Variants in ZNF429 observed in about 807,000 individuals in gnomAD.
ZNF429 encodes zinc finger protein 429.
Under a neutral mutation model 56.8 loss-of-function variants are expected in ZNF429, and 53 were observed. The ratio of observed to expected loss-of-function variants is 0.93; its 90% CI spans 0.75 to 1.17. The LOEUF is 1.17. Ranked by LOEUF, ZNF429 falls within the 50% of genes most tolerant of loss-of-function variation. The pLI, the probability that ZNF429 is intolerant of heterozygous loss-of-function variation, is 0.00. For synonymous variants in ZNF429, 278 were observed against 264.7 expected (o/e 1.05, Z -0.49); for missense variants, 849 against 788.4 (o/e 1.08, Z -0.92).
At chr19:21,527,291 C>T (rs959214913) in intron 1 of ZNF429, among the ~76,000 whole-genome samples, 3 of 152,124 alleles carry the variant, frequency 2.0e-5, no homozygotes, top group Admixed American at 6.5e-5. Context: ...CATTACAGCT[C>T]GAGGGGCAAT....
In ZNF429 at chr19:21,511,654, T is replaced by G. The variant is rs1444849557; in HGVS notation, c.3+5880T>G. ...ATGATGGGCGGCCAGGCAGAGACGC[T>G]CCTCACTTCCCAGACGGGGTGGCGG... On this transcript the variant is annotated intron_variant, in intron 1 of 3. Transcript: ENST00000358491. Among the ~76,000 whole-genome samples the G allele has an allele frequency of 3.3e-5, 5 of 150,962 alleles. No individual in the cohort carries two copies. The East Asian group carries it at 7.9e-4, about 24-fold the overall frequency.
intron 1 of ZNF429, among the ~76,000 whole-genome samples, chr19:21,511,970 G>A (rs1185682868): frequency 2.0e-5 from 3 of 152,118 alleles, no homozygotes; most frequent in Admixed American, 6.6e-5. Flanking sequence ...GCAGGCACTC[G>A]GCAGGCTGAG....
rs978125522 is a variant in ZNF429 at position 21,540,303 on chromosome 19, T to C, written c.*2225T>C. 1.3e-5 allele frequency among the ~76,000 whole-genome samples: 2 copies of C among 152,196 alleles called. No individual in the cohort carries two copies. Among genetic ancestry groups the C allele is most frequent in the Non-Finnish European group, 2.9e-5 (2 of 68,016 alleles). On this transcript the variant is annotated 3_prime_UTR_variant, in exon 4 of 4. Transcript: ENST00000358491. ...TAGTAACATAGTGGAATAGCATCTC[T>C]AGTAATCTCTTTTGCCAGTAGCTTT...
intron 1 of ZNF429, among the ~76,000 whole-genome samples, chr19:21,523,326 G>A (rs1437337061): frequency 6.6e-6 from 1 of 152,044 alleles, no homozygotes; most frequent in Non-Finnish European, 1.5e-5. Context: ...TTTAGGTCGG[G>A]GCGAAAGTTA....
intron 3 of ZNF429, among the ~76,000 whole-genome samples, chr19:21,531,428 A>G: frequency 6.6e-6 from 1 of 152,192 alleles, no homozygotes; most frequent in Admixed American, 6.5e-5. Flanking sequence ...ACAGACACCA[A>G]TGCAAAACTG....
intron 3 of ZNF429, among the ~76,000 whole-genome samples, chr19:21,532,819 C>A: frequency 1.3e-5 from 2 of 151,906 alleles, no homozygotes; most frequent in South Asian, 2.1e-4. Flanking sequence ...CAACCTCAGC[C>A]TCCCAAGTAG....
chr19:21,534,841 G>A lies in ZNF429; in HGVS notation c.227-1439G>A. 7.0e-4 allele frequency among the ~76,000 whole-genome samples: 104 copies of A among 147,880 alleles called. 1 individual carries two copies. The highest frequency in any genetic ancestry group is 2.4e-3 in the African/African-American group (98 of 40,118). Reference sequence around the variant, plus strand: ...TTGTTTTTTTTTGAGACGGAGTATCGCTCTGTCGCCCAGGCTGGAGTGCAG... The same window carrying A: ...TTGTTTTTTTTTGAGACGGAGTATCACTCTGTCGCCCAGGCTGGAGTGCAG... On this transcript the variant is annotated intron_variant, in intron 3 of 3. Coordinates refer to ENST00000358491, the MANE Select transcript of ZNF429 (RefSeq NM_001001415.4).
At chr19:21,534,895 C>T in intron 3 of ZNF429, among the ~76,000 whole-genome samples, 13 of 150,910 alleles carry the variant, frequency 8.6e-5, no homozygotes, top group East Asian at 7.8e-4. Context: ...CTGCAGGCTC[C>T]GCCTCCCGGG....
At position 21,537,381 on chromosome 19, in the gene ZNF429, A is replaced by G; in HGVS notation, c.1328A>G (p.His443Arg). The part of the protein sequence containing the change: ...VFTYSSTLTR[H>R]KRIHTEEKPY... ...ACCTATTCCTCTACACTTACTAGAC[A>G]TAAGAGAATTCATACTGAAGAGAAA... Residue 443 changes from histidine to arginine, a missense_variant, in exon 4 of 4, where the codon CAT becomes CGT. His to Arg is a conservative substitution (Grantham distance 29). Coordinates refer to ENST00000358491, the MANE Select transcript of ZNF429 (RefSeq NM_001001415.4). 7 of 1,613,810 alleles carry G rather than the reference A, an allele frequency of 4.3e-6. No individual in the cohort carries two copies. Among genetic ancestry groups the G allele is most frequent in the African/African-American group, 1.3e-5 (1 of 75,030 alleles).
At chr19:21,516,945 G>T (rs567420425) in intron 1 of ZNF429, among the ~76,000 whole-genome samples, 25 of 152,242 alleles carry the variant, frequency 1.6e-4, no homozygotes, top group African/African-American at 5.8e-4. Context: ...TATTTCTCTT[G>T]CCTGATTGCT....
At chr19:21,515,894 G>T (rs865869536) in intron 1 of ZNF429, among the ~76,000 whole-genome samples, 1 of 152,020 alleles carries the variant, frequency 6.6e-6, no homozygotes, top group African/African-American at 2.4e-5. Context: ...GATGGTCGTA[G>T]GTGTGCAGCA....
chr19:21,520,411 A>C (rs1471887744), intron 1 of ZNF429, among the ~76,000 whole-genome samples: 1 of 152,154 alleles, frequency 6.6e-6, no homozygotes, highest in Non-Finnish European at 1.5e-5. Flanking sequence ...CTTTTTTCTT[A>C]AAGCATTTAG....
At chr19:21,514,283 AC>A (rs2032636625) in intron 1 of ZNF429, among the ~76,000 whole-genome samples, 1 of 151,918 alleles carries the variant, frequency 6.6e-6, no homozygotes, top group South Asian at 2.1e-4. Flanking sequence ...TTATTTTGTC[AC>A]TGAGGTACTA....
At chr19:21,506,562 T>C (rs1344583614) in intron 1 of ZNF429, among the ~76,000 whole-genome samples, 1 of 151,980 alleles carries the variant, frequency 6.6e-6, no homozygotes, top group Non-Finnish European at 1.5e-5. Flanking sequence ...TTGGAGGAGC[T>C]TGAAGGAAAG....
At chr19:21,523,065 G>A (rs370105274) in intron 1 of ZNF429, among the ~76,000 whole-genome samples, 1 of 152,118 alleles carries the variant, frequency 6.6e-6, no homozygotes, top group Admixed American at 6.5e-5. Flanking sequence ...CTTCAAACCT[G>A]AAACTGATTA....
chr19:21,514,242 A>G (rs1376549114), intron 1 of ZNF429, among the ~76,000 whole-genome samples: 2 of 152,130 alleles, frequency 1.3e-5, no homozygotes, highest in Non-Finnish European at 2.9e-5. Context: ...TATCATATAG[A>G]TAAAATTGTG....
chr19:21,522,737 A>G (rs1002778754), intron 1 of ZNF429, among the ~76,000 whole-genome samples: 1 of 152,098 alleles, frequency 6.6e-6, no homozygotes, highest in Non-Finnish European at 1.5e-5. Flanking sequence ...GTCTCTAAAA[A>G]AATACAAAAA....
intron 1 of ZNF429, among the ~76,000 whole-genome samples, chr19:21,525,703 G>T (rs967845949): frequency 1.3e-5 from 2 of 150,636 alleles, no homozygotes; most frequent in African/African-American, 2.4e-5. Flanking sequence ...TTCTATTCCT[G>T]CAGATCCAGT....
Position 21,536,423 on chromosome 19 carries a change from A to G in ZNF429, c.370A>G (p.Lys124Glu), listed in dbSNP as rs774404331. 2 of 1,613,938 alleles carry G rather than the reference A, an allele frequency of 1.2e-6. No homozygotes were observed. The highest frequency in any genetic ancestry group is 2.2e-5 in the South Asian group (2 of 91,076). ...RKGYKTVGDC[K>E]LYKGGYNGLN... ...AGGCTATAAAACTGTAGGTGATTGT[A>G]AGCTATACAAAGGAGGTTATAATGG... Residue 124 changes from lysine to glutamate, a missense_variant, in exon 4 of 4, where the codon AAG (lysine) becomes GAG (glutamate). Lys to Glu is a moderately conservative substitution (Grantham distance 56). Coordinates refer to ENST00000358491, the MANE Select transcript of ZNF429 (RefSeq NM_001001415.4).
Sources: gnomAD v4.1 joint callset for allele counts (sites outside exome capture counted in the v4.1 genomes callset) on GRCh38, gnomAD v4.1.1 for gene constraint, MANE v1.5 for transcripts, NCBI Gene and HGNC (gene_info 2026-07-23, HGNC 2026-07-21) for gene names.